The following METAP1D variants were observed in gnomAD, a reference collection of about 807,000 sequenced individuals.
The protein encoded by METAP1D is methionyl aminopeptidase type 1D, mitochondrial.
A neutral mutation model predicts 40.5 loss-of-function variants in METAP1D; 31 were observed. That is an observed-to-expected ratio of 0.77 (90% CI 0.58 to 1.03). The LOEUF is 1.03. Among genes scored for constraint, METAP1D ranks in the 50% least tolerant of loss-of-function variants. The pLI, the probability that METAP1D is intolerant of heterozygous loss-of-function variation, is 0.00. For missense variants in METAP1D, 411 were observed against 420.7 expected (o/e 0.98, Z 0.20); for synonymous variants, 151 against 146.4 (o/e 1.03, Z -0.22).
chr2:172,047,966 A>G lies in METAP1D; in HGVS notation c.41-13532A>G, dbSNP rs140061046. ...TCCTTAGACCTCACCATTAACCATC[A>G]GCATACTAGCAAGGGCCCAGCAGGA... On this transcript the variant is annotated intron_variant, in intron 1 of 9. Coordinates refer to ENST00000315796, the MANE Select transcript of METAP1D (RefSeq NM_199227.3). Among the ~76,000 whole-genome samples, 10 of 152,332 alleles carry G rather than the reference A, an allele frequency of 6.6e-5. No homozygotes were observed. In the South Asian group the frequency reaches 1.0e-3, roughly 16 times the overall value.
chr2:172,078,697 T>C (rs992181198), intron 7 of METAP1D, among the ~76,000 whole-genome samples: 8 of 152,058 alleles, frequency 5.3e-5, no homozygotes, highest in African/African-American at 1.7e-4. Context: ...GCTCAAGAGG[T>C]TCAGGTGAGA....
At chr2:172,073,272 TG>T (rs1430300519) in intron 6 of METAP1D, among the ~76,000 whole-genome samples, 6 of 152,080 alleles carry the variant, frequency 3.9e-5, no homozygotes, top group Non-Finnish European at 5.9e-5. Context: ...AACATGCAGG[TG>T]AACTCCAGCT....
At chr2:172,045,819 G>GTATA (rs796640775) in intron 1 of METAP1D, among the ~76,000 whole-genome samples, 34 of 15,170 alleles carry the variant, frequency 2.2e-3, no homozygotes, top group African/African-American at 5.1e-3. Flanking sequence ...GTGTGTGTGT[G>GTATA]TATATATATA....
At chr2:172,001,948 T>C (rs1197081183) in intron 1 of METAP1D, among the ~76,000 whole-genome samples, 1 of 151,172 alleles carries the variant, frequency 6.6e-6, no homozygotes, top group Non-Finnish European at 1.5e-5. Context: ...ATACAAAAAT[T>C]AGCCAGGTGT....
chr2:172,061,116 G>A (rs979494415), intron 1 of METAP1D, among the ~76,000 whole-genome samples: 23 of 152,132 alleles, frequency 1.5e-4, no homozygotes, highest in African/African-American at 4.8e-5. Flanking sequence ...GAAAGGAAAC[G>A]GCTTTACAGA....
rs13384251 is a variant in METAP1D, at chr2:172,061,470, C to A, written c.41-28C>A. On this transcript the variant is annotated intron_variant, in intron 1 of 9. Coordinates refer to ENST00000315796, the MANE Select transcript of METAP1D (RefSeq NM_199227.3). ...AGGACTGTGTTAGGTTGTTTTTTTACTTAAAATATGTCTGTTTCTGCTCAC... is the reference window on the plus strand; with the variant it reads ...AGGACTGTGTTAGGTTGTTTTTTTAATTAAAATATGTCTGTTTCTGCTCAC... The A allele has an allele frequency of 2.9e-4, 461 of 1,592,754 alleles. 2 individuals carry two copies. The African/African-American group carries it at 5.4e-3, about 19-fold the overall frequency.
rs751021758 is a variant in METAP1D, at chr2:172,071,071, G to T, written c.704+1G>T. On this transcript the variant is annotated splice_donor_variant, in intron 6 of 9. Coordinates refer to ENST00000315796, the MANE Select transcript of METAP1D (RefSeq NM_199227.3). LOFTEE classifies it high-confidence loss of function. ...TCTCTGTAATTGGAAACACAATCAGGTAAGCCTTACATTGACAAGTAAAGG... is the reference window on the plus strand; with the variant it reads ...TCTCTGTAATTGGAAACACAATCAGTTAAGCCTTACATTGACAAGTAAAGG... The T allele has an allele frequency of 6.2e-7, 1 of 1,606,090 alleles. No homozygotes were observed. The highest frequency in any genetic ancestry group is 1.1e-5 in the South Asian group (1 of 89,974).
intron 1 of METAP1D, among the ~76,000 whole-genome samples, chr2:172,035,407 T>A (rs900823333): frequency 4.5e-4 from 69 of 152,116 alleles, no homozygotes; most frequent in African/African-American, 1.3e-3. Context: ...CTCGTGATCC[T>A]ACCGCCTCCG....
Position 172,080,451 on chromosome 2 carries a change from A to C in METAP1D, c.*45A>C, listed in dbSNP as rs753550355. The C allele has an allele frequency of 1.9e-6, 3 of 1,593,384 alleles. No individual in the cohort carries two copies. Among genetic ancestry groups the C allele is most frequent in the Non-Finnish European group, 2.6e-6 (3 of 1,161,988 alleles). On this transcript the variant is annotated 3_prime_UTR_variant, in exon 10 of 10. Transcript: ENST00000315796. ...GGTGACCTGGTGCCTTTTTAAATAA[A>C]TTGCTGAAATTTGGCTGGAGAACTT...
At chr2:172,002,653 A>G (rs1017608896) in intron 1 of METAP1D, among the ~76,000 whole-genome samples, 31 of 152,106 alleles carry the variant, frequency 2.0e-4, no homozygotes, top group Non-Finnish European at 4.3e-4. Context: ...TGGACTACCC[A>G]TAGCTAGTTT....
At chr2:172,026,655 T>G (rs1210901417) in intron 1 of METAP1D, among the ~76,000 whole-genome samples, 1 of 152,184 alleles carries the variant, frequency 6.6e-6, no homozygotes, top group Non-Finnish European at 1.5e-5. Flanking sequence ...TCTCATATCT[T>G]AGTTTAATTT....
intron 1 of METAP1D, among the ~76,000 whole-genome samples, chr2:172,053,417 T>C (rs941587744): frequency 2.0e-5 from 3 of 152,242 alleles, no homozygotes; most frequent in African/African-American, 4.8e-5. Flanking sequence ...GGGTTTTTTT[T>C]CTTGTTAAAG....
chr2:172,010,748 G>GT (rs375241055), intron 1 of METAP1D, among the ~76,000 whole-genome samples: 29,579 of 120,194 alleles, frequency 0.25, 4,071 homozygotes, highest in South Asian at 0.34. Flanking sequence ...CCTGCCCAAT[G>GT]TTTTTTTTTT....
chr2:172,077,497 A>C (rs1284776903), intron 6 of METAP1D, among the ~76,000 whole-genome samples: 1 of 152,256 alleles, frequency 6.6e-6, no homozygotes, highest in Non-Finnish European at 1.5e-5. Context: ...GTGTGTATAC[A>C]CACTCACTTG....
At chr2:172,070,141 A>G (rs893690099) in intron 5 of METAP1D, among the ~76,000 whole-genome samples, 2 of 152,208 alleles carry the variant, frequency 1.3e-5, no homozygotes, top group African/African-American at 4.8e-5. Flanking sequence ...AATGATTTAT[A>G]ATGAATCTGG....
chr2:172,052,585 G>A (rs1449508713), intron 1 of METAP1D, among the ~76,000 whole-genome samples: 1 of 152,326 alleles, frequency 6.6e-6, no homozygotes, highest in Non-Finnish European at 1.5e-5. Context: ...GGCTTCCCAG[G>A]CATGTCCATG....
intron 1 of METAP1D, among the ~76,000 whole-genome samples, chr2:172,031,354 G>A (rs1380146883): frequency 6.6e-6 from 1 of 152,028 alleles, no homozygotes; most frequent in East Asian, 1.9e-4. Flanking sequence ...ATCTTGGTGG[G>A]AGAGAAGGGA....
At chr2:172,035,119 G>A (rs1689340109) in intron 1 of METAP1D, among the ~76,000 whole-genome samples, 1 of 150,712 alleles carries the variant, frequency 6.6e-6, no homozygotes, top group Non-Finnish European at 1.5e-5. Context: ...TGATTATGAA[G>A]CAAATACCTA....
At chr2:172,013,926 T>G (rs996333415) in intron 1 of METAP1D, among the ~76,000 whole-genome samples, 5 of 150,186 alleles carry the variant, frequency 3.3e-5, no homozygotes, top group African/African-American at 1.2e-4. Context: ...GTTCAAGCGA[T>G]TCTCCTGGCT....
Sources: gnomAD v4.1 joint callset for allele counts (sites outside exome capture counted in the v4.1 genomes callset) on GRCh38, gnomAD v4.1.1 for gene constraint, MANE v1.5 for transcripts, NCBI Gene and HGNC (gene_info 2026-07-23, HGNC 2026-07-21) for gene names.